COL22A1: variants seen among roughly 807,000 people sequenced by gnomAD.
COL22A1 encodes collagen alpha-1(XXII) chain.
Under a neutral mutation model 248.9 loss-of-function variants are expected in COL22A1, and 221 were observed. That is an observed-to-expected ratio of 0.89 (90% CI 0.80 to 0.99). COL22A1 has a LOEUF of 0.99. Among genes scored for constraint, COL22A1 ranks in the 50% least tolerant of loss-of-function variants. The pLI is 0.00. For synonymous variants in COL22A1, 891 were observed against 793.4 expected, an observed-to-expected ratio of 1.12 and a Z score of -2.07; for missense variants, 2,240 against 2,179.0, an observed-to-expected ratio of 1.03 and a Z score of -0.56.
chr8:138,593,937 T>G, intron 63 of COL22A1, 80 bp downstream of exon 63: 7 of 1,117,492 alleles, frequency 6.3e-6, no homozygotes, highest in Non-Finnish European at 8.7e-6. Context: ...GAATAATGCA[T>G]GCAGTGCCAC....
chr8:138,868,325 T>C (rs186230275), intron 3 of COL22A1, among the ~76,000 whole-genome samples: 1 of 152,066 alleles, frequency 6.6e-6, no homozygotes, highest in Non-Finnish European at 1.5e-5. Flanking sequence ...AAAATTCAGT[T>C]TGGGTAGGAG....
At chr8:138,676,475 A>AAGAAAGAAAGAAAGAAAGAAAGGAAGG in intron 41 of COL22A1, 83 bp downstream of exon 41, 1 of 704,528 alleles carries the variant, frequency 1.4e-6, no homozygotes, top group Non-Finnish European at 2.3e-6. Flanking sequence ...GAAAGAAAGA[A>AAGAAAGAAAGAAAGAAAGAAAGGAAGG]AAGAGTGTTT....
At chr8:138,680,658 CCT>C (rs2130827963) in intron 39 of COL22A1, among the ~76,000 whole-genome samples, 1 of 152,164 alleles carries the variant, frequency 6.6e-6, no homozygotes, top group African/African-American at 2.4e-5. Context: ...TGGATGTCAC[CCT>C]CTCTAGGATC....
At chr8:138,623,434 A>G (rs1030464395) in intron 52 of COL22A1, among the ~76,000 whole-genome samples, 1 of 151,950 alleles carries the variant, frequency 6.6e-6, no homozygotes, top group East Asian at 1.9e-4. Flanking sequence ...GATTGAGGCT[A>G]CAGGGGGCAG....
chr8:138,821,436 C>T (rs1360401116), intron 6 of COL22A1, 25 bp from the exon 7 acceptor site: 1 of 1,601,068 alleles, frequency 6.2e-7, no homozygotes, highest in Admixed American at 1.7e-5. Context: ...ACCAGAGACT[C>T]CTTGAGCTTC....
intron 56 of COL22A1, among the ~76,000 whole-genome samples, chr8:138,613,203 A>G (rs9324490): frequency 0.66 from 98,842 of 148,870 alleles, 34,233 homozygotes; most frequent in Middle Eastern, 0.82. Flanking sequence ...AGCGGAGATC[A>G]CGCCAGTGCA....
chr8:138,700,154 A>G lies in COL22A1; in HGVS notation c.2560-10T>C, dbSNP rs1406764877. 10 of 1,613,218 alleles carry G rather than the reference A, an allele frequency of 6.2e-6. No individual in the cohort carries two copies. The highest frequency in any genetic ancestry group is 3.3e-4 in the Middle Eastern group (2 of 6,062). On this transcript the variant is annotated splice_polypyrimidine_tract_variant and intron_variant, in intron 31 of 64. Coordinates refer to ENST00000303045, the MANE Select transcript of COL22A1 (RefSeq NM_152888.3). ...GTGTGAACAGGGATGTCTGAAAAGG[A>G]AACCACAGAGATTAGAAAGATGGGC...
In COL22A1 at chr8:138,626,220, G is replaced by A; in HGVS notation, c.3687C>T (p.Pro1229=). 1 of 1,607,024 alleles carries A rather than the reference G, an allele frequency of 6.2e-7. No homozygotes were observed. The highest frequency in any genetic ancestry group is 8.5e-7 in the Non-Finnish European group (1 of 1,177,608). ...GSPGKEGPPG[P]QGPSGLPGIP... Reference sequence around the variant, plus strand: ...TTCCGGGTAATCCAGATGGGCCTTGGGGGCCAGGAGGGCCTTCTTTCCCCT... The same window carrying A: ...TTCCGGGTAATCCAGATGGGCCTTGAGGGCCAGGAGGGCCTTCTTTCCCCT... The change falls in exon 51 of 65, where the codon CCC becomes CCT. Residue 1229 remains proline, a synonymous_variant. Coordinates refer to ENST00000303045, the MANE Select transcript of COL22A1 (RefSeq NM_152888.3).
intron 60 of COL22A1, among the ~76,000 whole-genome samples, chr8:138,599,810 T>C (rs941313662): frequency 6.6e-6 from 1 of 152,186 alleles, no homozygotes; most frequent in Non-Finnish European, 1.5e-5. Flanking sequence ...AGGTAGTCTA[T>C]AGAGAACAGG....
intron 27 of COL22A1, 70 bp from the exon 28 acceptor site, chr8:138,716,939 T>C: frequency 8.6e-7 from 1 of 1,166,440 alleles, no homozygotes; most frequent in South Asian, 1.2e-5. Context: ...ATTTCCCAGT[T>C]GTCCTCACAC....
chr8:138,616,811 C>A, intron 54 of COL22A1, 103 bp downstream of exon 54: 1 of 1,347,132 alleles, frequency 7.4e-7, no homozygotes, highest in South Asian at 1.2e-5. Flanking sequence ...CGTCCTCTCT[C>A]GGGTAAGGCA....
At chr8:138,699,170 T>C (rs1191509080) in intron 32 of COL22A1, among the ~76,000 whole-genome samples, 1 of 152,100 alleles carries the variant, frequency 6.6e-6, no homozygotes, top group African/African-American at 2.4e-5. Flanking sequence ...TCTCACCCAC[T>C]TCTCCCTAAG....
At chr8:138,807,702 T>G (rs530601218) in intron 10 of COL22A1, 66 bp downstream of exon 10, 2 of 1,479,748 alleles carry the variant, frequency 1.4e-6, no homozygotes, top group Non-Finnish European at 1.9e-6. Flanking sequence ...TCTTTTGTCT[T>G]ATATAGACAG....
chr8:138,763,313 G>C (rs1833652546), intron 16 of COL22A1, among the ~76,000 whole-genome samples: 4 of 152,208 alleles, frequency 2.6e-5, no homozygotes, highest in Admixed American at 2.6e-4. Context: ...CTTGTACCCA[G>C]GAGACAGTGG....
At position 138,813,016 on chromosome 8, in the gene COL22A1, C is replaced by A; in HGVS notation, c.1249G>T (p.Asp417Tyr). 1 of 1,613,638 alleles carries A rather than the reference C, an allele frequency of 6.2e-7. No individual in the cohort carries two copies. The change falls in exon 8 of 65, where the codon GAC becomes TAC. Residue 417 changes from aspartate to tyrosine, a missense_variant. Transcript: ENST00000303045. ...RLYDSVPIDF[D>Y]LQRIVIYCDS... ...CAATAGATCACAATCCGCTGTAGGTCAAACTGGAAAGGAAAGCAAGGAGAG... is the reference window on the plus strand; with the variant it reads ...CAATAGATCACAATCCGCTGTAGGTAAAACTGGAAAGGAAAGCAAGGAGAG...
intron 22 of COL22A1, among the ~76,000 whole-genome samples, chr8:138,743,126 G>A (rs1046852107): frequency 3.3e-5 from 5 of 150,150 alleles, no homozygotes; most frequent in Non-Finnish European, 5.9e-5. Context: ...GGTAGTGATT[G>A]TGATGGTGAT....
rs1816823389 is a variant in COL22A1, at chr8:138,589,157, C to A, written c.*96G>T. ...ATAAAAGAAAGAAAAAAAAAAGGAACACATGGCTGAAGTCTTTCAAGACCT... is the reference window on the plus strand; with the variant it reads ...ATAAAAGAAAGAAAAAAAAAAGGAAAACATGGCTGAAGTCTTTCAAGACCT... On this transcript the variant is annotated 3_prime_UTR_variant, in exon 65 of 65. Coordinates refer to ENST00000303045, the MANE Select transcript of COL22A1 (RefSeq NM_152888.3). 7.2e-6 allele frequency: 8 copies of A among 1,106,292 alleles called. No individual in the cohort carries two copies. The highest frequency in any genetic ancestry group is 5.6e-5 in the East Asian group (2 of 36,004). The allele number at this position is 1,106,292 out of a possible 1,614,324, so 68.5% of individuals were successfully genotyped here.
At chr8:138,802,344 T>C (rs1413076168) in intron 11 of COL22A1, among the ~76,000 whole-genome samples, 9 of 152,170 alleles carry the variant, frequency 5.9e-5, no homozygotes, top group Admixed American at 3.3e-4. Context: ...ACTCTGTGAC[T>C]ATAAATCACA....
In COL22A1 at chr8:138,778,364, C is replaced by T; in HGVS notation, c.1747G>A (p.Val583Ile). 1 of 1,613,874 alleles carries T rather than the reference C, an allele frequency of 6.2e-7. No individual in the cohort carries two copies. The highest frequency in any genetic ancestry group is 8.5e-7 in the Non-Finnish European group (1 of 1,179,900). The part of the protein sequence containing the change: ...PPGLPGPPGR[V>I]GAPGLQGERG... Reference sequence around the variant, plus strand: ...GTGCCTTCACTTACAGGAGCTCCGACACGTCCAGGAGGTCCGGGGAGTCCA... The same window carrying T: ...GTGCCTTCACTTACAGGAGCTCCGATACGTCCAGGAGGTCCGGGGAGTCCA... The change falls in exon 15 of 65, where the codon GTC (valine) becomes ATC (isoleucine). Residue 583 changes from valine to isoleucine, a missense_variant. Coordinates refer to ENST00000303045, the MANE Select transcript of COL22A1 (RefSeq NM_152888.3).
Sources: gnomAD v4.1 joint callset for allele counts (sites outside exome capture counted in the v4.1 genomes callset) on GRCh38, gnomAD v4.1.1 for gene constraint, MANE v1.5 for transcripts, NCBI Gene and HGNC (gene_info 2026-07-23, HGNC 2026-07-21) for gene names.